Variants in BACH2 observed in about 807,000 individuals in gnomAD.
BACH2 encodes the protein transcription regulator protein BACH2.
BACH2 carries 5 observed loss-of-function variants against 61.8 expected under a neutral mutation model. That is an observed-to-expected ratio of 0.08 (90% CI 0.04 to 0.17). BACH2 has a LOEUF of 0.17. Ranked by LOEUF, BACH2 falls within the 10% of genes least tolerant of loss-of-function variation. BACH2 has a pLI of 1.00. For synonymous variants in BACH2, 446 were observed against 440.1 expected, an observed-to-expected ratio of 1.01 and a Z score of -0.17; for missense variants, 824 against 1,091.1, an observed-to-expected ratio of 0.76 and a Z score of 3.45.
intron 4 of BACH2, among the ~76,000 whole-genome samples, chr6:90,196,692 C>T (rs1768771024): frequency 6.6e-6 from 1 of 151,972 alleles, no homozygotes; most frequent in Non-Finnish European, 1.5e-5. Flanking sequence ...AACAGGTGCT[C>T]CTTGATCACT....
chr6:90,071,244 T>C (rs1781212704), intron 5 of BACH2, among the ~76,000 whole-genome samples: 1 of 152,252 alleles, frequency 6.6e-6, no homozygotes, highest in African/African-American at 2.4e-5. Flanking sequence ...TCTGTGGGCA[T>C]GAGACCTCTT....
chr6:90,162,060 T>C (rs529088066), intron 4 of BACH2, among the ~76,000 whole-genome samples: 13 of 152,252 alleles, frequency 8.5e-5, no homozygotes, highest in Non-Finnish European at 1.8e-4. Flanking sequence ...CTCCAGAGAA[T>C]GTCTTCAGAC....
chr6:90,254,403 T>C (rs759022287), intron 2 of BACH2, among the ~76,000 whole-genome samples: 19 of 152,060 alleles, frequency 1.2e-4, no homozygotes, highest in Admixed American at 2.0e-4. Context: ...AGCTGATTGA[T>C]TGGTTGCTCT....
intron 6 of BACH2, among the ~76,000 whole-genome samples, chr6:89,996,671 G>T (rs1193829936): frequency 2.0e-5 from 3 of 152,098 alleles, no homozygotes; most frequent in African/African-American, 7.2e-5. Context: ...CATCCTGTGG[G>T]TGTTGATTTT....
chr6:90,179,710 A>G (rs1269335362), intron 4 of BACH2, among the ~76,000 whole-genome samples: 1 of 152,242 alleles, frequency 6.6e-6, no homozygotes, highest in Non-Finnish European at 1.5e-5. Flanking sequence ...GTTATTTTCA[A>G]TGAATCTAAA....
At chr6:90,225,037 G>C (rs1769864874) in intron 3 of BACH2, among the ~76,000 whole-genome samples, 1 of 152,004 alleles carries the variant, frequency 6.6e-6, no homozygotes, top group South Asian at 2.1e-4. Flanking sequence ...CTGCCACGAG[G>C]CACTGTTCTA....
chr6:90,145,301 C>T (rs1408478448), intron 4 of BACH2, among the ~76,000 whole-genome samples: 1 of 152,026 alleles, frequency 6.6e-6, no homozygotes, highest in Non-Finnish European at 1.5e-5. Context: ...AGTATGCAAC[C>T]CCTGTCAAAA....
intron 6 of BACH2, among the ~76,000 whole-genome samples, chr6:90,000,188 T>C (rs527258715): frequency 6.6e-6 from 1 of 152,334 alleles, no homozygotes; most frequent in East Asian, 1.9e-4. Context: ...GGAGTCACAA[T>C]AGTATTAGCT....
chr6:90,224,768 G>T (rs1244801539), intron 3 of BACH2, among the ~76,000 whole-genome samples: 1 of 152,150 alleles, frequency 6.6e-6, no homozygotes. Flanking sequence ...GGACTTTGAG[G>T]TTAAAATGTA....
At chr6:90,231,628 A>G (rs1402860025) in intron 3 of BACH2, among the ~76,000 whole-genome samples, 2 of 152,202 alleles carry the variant, frequency 1.3e-5, no homozygotes, top group Admixed American at 6.5e-5. Flanking sequence ...TTTTTAGTCT[A>G]CTCATATCCT....
chr6:90,092,483 T>A (rs1188784032), intron 4 of BACH2, among the ~76,000 whole-genome samples: 1 of 151,914 alleles, frequency 6.6e-6, no homozygotes, highest in Non-Finnish European at 1.5e-5. Flanking sequence ...AGATACAGAC[T>A]TTCCCACTCA....
At chr6:90,016,693 T>G (rs1177270232) in intron 5 of BACH2, among the ~76,000 whole-genome samples, 1 of 152,234 alleles carries the variant, frequency 6.6e-6, no homozygotes, top group East Asian at 1.9e-4. Flanking sequence ...GAGGTAACAT[T>G]ACTTGCAGTG....
At chr6:90,156,670 G>A (rs1409229103) in intron 4 of BACH2, among the ~76,000 whole-genome samples, 2 of 152,270 alleles carry the variant, frequency 1.3e-5, no homozygotes, top group African/African-American at 4.8e-5. Flanking sequence ...CTTAGGCTAA[G>A]TTGTGTTATA....
chr6:90,010,181 A>C (rs1185788917), intron 5 of BACH2, among the ~76,000 whole-genome samples: 1 of 152,228 alleles, frequency 6.6e-6, no homozygotes, highest in African/African-American at 2.4e-5. Context: ...TGAAACCATC[A>C]TCACAATAAA....
chr6:90,055,551 A>G (rs1218228931), intron 5 of BACH2, among the ~76,000 whole-genome samples: 5 of 152,010 alleles, frequency 3.3e-5, no homozygotes, highest in Non-Finnish European at 7.3e-5. Context: ...AACACTCTGC[A>G]GGATATTATC....
At chr6:90,195,583 T>A (rs1010634966) in intron 4 of BACH2, among the ~76,000 whole-genome samples, 2 of 152,186 alleles carry the variant, frequency 1.3e-5, no homozygotes, top group Non-Finnish European at 2.9e-5. Context: ...GGTTGTGAAG[T>A]GTAACAATCA....
At chr6:89,961,122 C>T (rs1774721274) in intron 6 of BACH2, among the ~76,000 whole-genome samples, 1 of 152,062 alleles carries the variant, frequency 6.6e-6, no homozygotes, top group African/African-American at 2.4e-5. Flanking sequence ...AGGTTAGTGA[C>T]AGGCAAAAGT....
Position 89,981,859 on chromosome 6 carries a change from C to T in BACH2, c.243+26743G>A, listed in dbSNP as rs987618818. Among the ~76,000 whole-genome samples the T allele has an allele frequency of 5.3e-5, 8 of 152,226 alleles. No homozygotes were observed. In the South Asian group the frequency reaches 1.0e-3, roughly 20 times the overall value. On this transcript the variant is annotated intron_variant, in intron 6 of 8. Coordinates refer to ENST00000257749, the MANE Select transcript of BACH2 (RefSeq NM_021813.4). ...CAATATATTATTTGACAGAGTTATA[C>T]GGAGCTCCTGATAACCAACTCTGTG...
At chr6:90,089,918 G>A (rs1292974195) in intron 4 of BACH2, among the ~76,000 whole-genome samples, 1 of 151,932 alleles carries the variant, frequency 6.6e-6, no homozygotes, top group African/African-American at 2.4e-5. Context: ...ATTAAGTGGG[G>A]GTAAAATAGA....
Sources: allele counts gnomAD v4.1 joint callset (sites outside exome capture counted in the v4.1 genomes callset), GRCh38; gene constraint gnomAD v4.1.1; transcripts MANE v1.5; gene names NCBI Gene and HGNC (gene_info 2026-07-23, HGNC 2026-07-21).